The following COL2A1 variants were observed in gnomAD, a reference collection of about 807,000 sequenced individuals.
The protein encoded by COL2A1 is collagen type II alpha 1 chain, also known as collagen alpha-1(II) chain.
A neutral mutation model predicts 204.5 loss-of-function variants in COL2A1; 28 were observed. The ratio of observed to expected loss-of-function variants is 0.14; its 90% CI spans 0.10 to 0.19. The LOEUF (loss-of-function observed/expected upper bound fraction) is 0.19. Ranked by LOEUF, COL2A1 falls within the 10% of genes least tolerant of loss-of-function variation. The pLI is 1.00. For synonymous variants in COL2A1, 708 were observed against 718.7 expected (o/e 0.99, Z 0.24); for missense variants, 1,388 against 2,027.5 (o/e 0.68, Z 6.06).
At position 47,980,614 on chromosome 12, in the gene COL2A1, G is replaced by A; in HGVS notation, c.2565C>T (p.Gly855=). 1.9e-6 allele frequency: 3 copies of A among 1,612,886 alleles called. No individual in the cohort carries two copies. Among genetic ancestry groups the A allele is most frequent in the Non-Finnish European group, 2.5e-6 (3 of 1,179,678 alleles). ...CAGGGGCACCAGCATCGCCTTTCTG[G>A]CCGGCCTCTCCTTGCTCACCCTTGG... ...PGAKGEQGEA[G]QKGDAGAPGP... The change falls in exon 39 of 54, where the codon GGC becomes GGT. Residue 855 remains glycine (G), a synonymous_variant. Transcript: ENST00000380518. The surrounding 1 kb of genome is among the most constrained non-coding windows in gnomAD (Gnocchi z 4.5).
chr12:47,986,548 T>TC, intron 22 of COL2A1, 105 bp from the exon 23 acceptor site: 4 of 673,168 alleles, frequency 5.9e-6, no homozygotes, highest in South Asian at 5.1e-5. Flanking sequence ...GTTTCAGGGC[T>TC]GGGGGGGGGC....
rs1272658161 is a variant in COL2A1, at chr12:47,990,070, G to A, written c.1024-265C>T. Among the ~76,000 whole-genome samples, 6 of 152,246 alleles carry A rather than the reference G, an allele frequency of 3.9e-5. No individual in the cohort carries two copies. The East Asian group carries it at 5.8e-4, about 15-fold the overall frequency. Reference sequence around the variant, plus strand: ...TCGCCAGGCTGGAGTGCAGTGGTGCGGTCTTGGCTCACTACAACCTCCACC... The same window carrying A: ...TCGCCAGGCTGGAGTGCAGTGGTGCAGTCTTGGCTCACTACAACCTCCACC... On this transcript the variant is annotated intron_variant, in intron 16 of 53. Transcript: ENST00000380518.
rs997413759 is a variant in COL2A1, at chr12:47,983,793, C to T, written c.1942-57G>A. The T allele has an allele frequency of 3.8e-5, 58 of 1,538,582 alleles. No individual in the cohort carries two copies. The Admixed American group carries it at 1.1e-3, about 29-fold the overall frequency. On this transcript the variant is annotated intron_variant, in intron 29 of 53. Coordinates refer to ENST00000380518, the MANE Select transcript of COL2A1 (RefSeq NM_001844.5). Reference sequence around the variant, plus strand: ...AGTGTTCCAGAGACCCTGAGAGCCACAGCTAGTAGGGCCCAGGGGAGGTCA... The same window carrying T: ...AGTGTTCCAGAGACCCTGAGAGCCATAGCTAGTAGGGCCCAGGGGAGGTCA...
chr12:48,001,627 G>T (rs974997671), intron 1 of COL2A1, among the ~76,000 whole-genome samples: 1 of 152,206 alleles, frequency 6.6e-6, no homozygotes, highest in Non-Finnish European at 1.5e-5. Flanking sequence ...CCCGGGAAGC[G>T]CCGGCGCAGG....
chr12:47,992,960 A>G lies in COL2A1; in HGVS notation c.970-29T>C, dbSNP rs768296716. The G allele has an allele frequency of 1.6e-5, 26 of 1,613,136 alleles. No individual in the cohort carries two copies. The Middle Eastern group carries it at 6.6e-4, about 41-fold the overall frequency. ...GAACACACACCAGGACAGCCTAAGCATGAGTTGGCTTTACGGTGCTCAGGG... is the reference window on the plus strand; with the variant it reads ...GAACACACACCAGGACAGCCTAAGCGTGAGTTGGCTTTACGGTGCTCAGGG... On this transcript the variant is annotated intron_variant, in intron 15 of 53. Coordinates refer to ENST00000380518, the MANE Select transcript of COL2A1 (RefSeq NM_001844.5).
chr12:47,987,802 A>G lies in COL2A1; in HGVS notation c.1123-93T>C. 1.1e-6 allele frequency: 1 copy of G among 949,328 alleles called. No individual in the cohort carries two copies. The highest frequency in any genetic ancestry group is 1.4e-5 in the South Asian group (1 of 72,754). 58.8% of individuals were successfully genotyped at this position (949,328 alleles called of 1,614,324 possible). A position where few individuals can be genotyped will look rare whatever the true frequency, so the allele number is the denominator to read the frequency against. On this transcript the variant is annotated intron_variant, in intron 18 of 53. Transcript: ENST00000380518. The surrounding 1 kb of genome is among the most constrained non-coding windows in gnomAD (Gnocchi z 4.1). ...ATAGCTCAGGGCCAGCTGCAAGCAC[A>G]GCACTAAATTATGCACATGCACCCA...
chr12:47,982,017 G>A, intron 35 of COL2A1, 90 bp downstream of exon 35: 3 of 1,403,092 alleles, frequency 2.1e-6, no homozygotes, highest in Non-Finnish European at 3.0e-6. Flanking sequence ...AGGGACCCCA[G>A]TGGCAGACTG....
chr12:48,001,842 G>C (rs547108511), intron 1 of COL2A1, among the ~76,000 whole-genome samples: 1 of 152,346 alleles, frequency 6.6e-6, no homozygotes, highest in African/African-American at 2.4e-5. Flanking sequence ...AACGGCTGCC[G>C]ATAGCATCCC....
intron 6 of COL2A1, 27 bp downstream of exon 6, chr12:47,997,844 G>A (rs1940035334): frequency 1.9e-6 from 3 of 1,614,000 alleles, no homozygotes; most frequent in Non-Finnish European, 1.7e-6. Context: ...AGTCCACCAG[G>A]GTCAAGCAGC....
Position 47,976,179 on chromosome 12 carries a change from A to T in COL2A1, c.3490-109T>A, listed in dbSNP as rs939977391. The T allele has an allele frequency of 2.1e-5, 17 of 811,060 alleles. No individual in the cohort carries two copies. Among genetic ancestry groups the T allele is most frequent in the Non-Finnish European group, 2.9e-5 (13 of 454,828 alleles). 50.2% of individuals were successfully genotyped at this position (811,060 alleles called of 1,614,324 possible). ...TGATAGCACCAGCCACTCCGCCCCC[A>T]GTTCTTCACATGCTCAGTCATGGAA... On this transcript the variant is annotated intron_variant, in intron 49 of 53. Transcript: ENST00000380518. The surrounding 1 kb of genome is among the most constrained non-coding windows in gnomAD (Gnocchi z 4.3).
chr12:47,995,098 A>G (rs1160871463), intron 11 of COL2A1, among the ~76,000 whole-genome samples, 157 bp downstream of exon 11: 1 of 152,190 alleles, frequency 6.6e-6, no homozygotes, highest in Non-Finnish European at 1.5e-5. Flanking sequence ...CACAGTGGCC[A>G]TATAGATAGG....
chr12:47,977,560 C>T, intron 45 of COL2A1, 40 bp downstream of exon 45: 1 of 1,612,962 alleles, frequency 6.2e-7, no homozygotes, highest in Non-Finnish European at 8.5e-7. Context: ...GAGGCAATGT[C>T]CTCCCCAACC....
rs549970833 is a variant in COL2A1, at chr12:47,994,497, T to G, written c.763-20A>C. ...TTCACCCTGAAGGGAGAGAGAGAGA[T>G]ATCCCAGCTTCCTCAGAGACGCAGT... On this transcript the variant is annotated intron_variant, in intron 11 of 53. Coordinates refer to ENST00000380518, the MANE Select transcript of COL2A1 (RefSeq NM_001844.5). 5.6e-6 allele frequency: 9 copies of G among 1,613,116 alleles called. No individual in the cohort carries two copies. Among genetic ancestry groups the G allele is most frequent in the Admixed American group, 1.7e-5 (1 of 59,988 alleles).
At chr12:47,992,595 G>C (rs1323328771) in intron 16 of COL2A1, among the ~76,000 whole-genome samples, 1 of 152,192 alleles carries the variant, frequency 6.6e-6, no homozygotes, top group Non-Finnish European at 1.5e-5. Flanking sequence ...ACTCCAGCTG[G>C]ATTGCCCAGG....
In COL2A1 at chr12:47,976,252, G is replaced by A. The variant is rs1938701446; in HGVS notation, c.3490-182C>T. 6.6e-6 allele frequency among the ~76,000 whole-genome samples: 1 copy of A among 152,228 alleles called. No individual in the cohort carries two copies. The highest frequency in any genetic ancestry group is 6.5e-5 in the Admixed American group (1 of 15,288). ...CCAAGAACCAGCAGGATAGCTCCAT[G>A]GCTTGCCTACCCTCCTAAGCTCCTC... On this transcript the variant is annotated intron_variant, in intron 49 of 53. Coordinates refer to ENST00000380518, the MANE Select transcript of COL2A1 (RefSeq NM_001844.5). The surrounding 1 kb of genome is among the most constrained non-coding windows in gnomAD (Gnocchi z 4.3).
At chr12:47,979,058 C>T (rs181652175) in intron 41 of COL2A1, among the ~76,000 whole-genome samples, 2 of 152,176 alleles carry the variant, frequency 1.3e-5, no homozygotes, top group Admixed American at 1.3e-4. Flanking sequence ...TCCTCAGGAG[C>T]CGCTCCAGCC....
At chr12:47,981,047 G>A (rs1221153676) in intron 37 of COL2A1, 79 bp from the exon 38 acceptor site, 2 of 1,354,166 alleles carry the variant, frequency 1.5e-6, no homozygotes, top group African/African-American at 1.4e-5. Flanking sequence ...AGCCCCTTGG[G>A]CCCTGCCCAG....
At chr12:47,977,259 G>A (rs1938765221) in intron 46 of COL2A1, 61 bp downstream of exon 46, 4 of 1,581,718 alleles carry the variant, frequency 2.5e-6, no homozygotes, top group Middle Eastern at 1.7e-4. Flanking sequence ...CGGAAACCCA[G>A]GGACTGCCTC....
intron 27 of COL2A1, 25 bp from the exon 28 acceptor site, chr12:47,984,624 A>G: frequency 6.2e-7 from 1 of 1,612,770 alleles, no homozygotes. Context: ...GGGCAGGGCC[A>G]TGAGGCGGAT....
Sources: gnomAD v4.1 joint callset for allele counts (sites outside exome capture counted in the v4.1 genomes callset) on GRCh38, gnomAD v4.1.1 for gene constraint, Gnocchi (gnomAD v3.1) non-coding constraint, MANE v1.5 for transcripts, NCBI Gene and HGNC (gene_info 2026-07-23, HGNC 2026-07-21) for gene names.